Variants in LDLRAD4 observed in about 807,000 individuals in gnomAD.
LDLRAD4 encodes low-density lipoprotein receptor class A domain-containing protein 4.
A neutral mutation model predicts 17.0 loss-of-function variants in LDLRAD4; 5 were observed. That is an observed-to-expected ratio of 0.29 (90% CI 0.15 to 0.62). The LOEUF (loss-of-function observed/expected upper bound fraction) is 0.62, where lower values mean the gene tolerates loss of function less well. LDLRAD4 is among the 20% of genes least tolerant of loss of function. The pLI is 0.84. For synonymous variants in LDLRAD4, 168 were observed against 171.8 expected, an observed-to-expected ratio of 0.98 and a Z score of 0.17; for missense variants, 340 against 424.7, an observed-to-expected ratio of 0.80 and a Z score of 1.75.
intron 3 of LDLRAD4, among the ~76,000 whole-genome samples, chr18:13,583,496 CT>C (rs1268025797): frequency 6.6e-6 from 1 of 151,944 alleles, no homozygotes; most frequent in African/African-American, 2.4e-5. Context: ...GGATTGGGAA[CT>C]TTAAATGAGT....
rs140781720 is a variant in LDLRAD4, at chr18:13,244,505, G to A, written c.-467+25517G>A. 9.3e-4 allele frequency among the ~76,000 whole-genome samples: 141 copies of A among 152,180 alleles called. 1 individual carries two copies. The highest frequency in any genetic ancestry group is 3.3e-3 in the African/African-American group (135 of 41,506). Reference sequence around the variant, plus strand: ...GCCAAACATAAATATAAAATGTTAGGGTAAAGGCCCCAAGTTTTCTCTGTT... The same window carrying A: ...GCCAAACATAAATATAAAATGTTAGAGTAAAGGCCCCAAGTTTTCTCTGTT... On this transcript the variant is annotated intron_variant, in intron 1 of 5. Coordinates refer to the LDLRAD4 transcript ENST00000399848.
intron 1 of LDLRAD4, among the ~76,000 whole-genome samples, chr18:13,286,319 C>T (rs774514952): frequency 3.3e-5 from 5 of 152,200 alleles, no homozygotes; most frequent in Non-Finnish European, 5.9e-5. Context: ...AACAGGAAGA[C>T]GAGAGCTAGA....
chr18:13,561,131 TC>T (rs1384016357), intron 3 of LDLRAD4, among the ~76,000 whole-genome samples: 5 of 87,936 alleles, frequency 5.7e-5, no homozygotes, highest in African/African-American at 2.1e-4. Context: ...TCAGGGAACA[TC>T]CTGCAGATAT....
intron 1 of LDLRAD4, among the ~76,000 whole-genome samples, chr18:13,304,461 T>C (rs914205698): frequency 5.3e-5 from 8 of 152,162 alleles, no homozygotes; most frequent in Non-Finnish European, 2.9e-5. Flanking sequence ...TTGGTCAGAA[T>C]GGTCTCGTGC....
chr18:13,305,791 G>A lies in LDLRAD4; in HGVS notation c.-383+27603G>A, dbSNP rs180693392. ...CCGTCACTGCAGCTATATGCCAACA[G>A]GCACAAAAACTTTGCACTTTTTGCA... is the stretch of plus-strand genomic sequence containing the variant. On this transcript the variant is annotated intron_variant, in intron 1 of 5. Transcript: ENST00000359446. 9.5e-4 allele frequency among the ~76,000 whole-genome samples: 145 copies of A among 152,306 alleles called. 2 individuals are homozygous for A. The South Asian group carries it at 0.022, about 23-fold the overall frequency.
At chr18:13,483,326 T>C (rs1219822249) in intron 3 of LDLRAD4, among the ~76,000 whole-genome samples, 1 of 152,236 alleles carries the variant, frequency 6.6e-6, no homozygotes, top group Non-Finnish European at 1.5e-5. Flanking sequence ...ACTGGTGTGC[T>C]GAGAACTGAG....
intron 1 of LDLRAD4, among the ~76,000 whole-genome samples, chr18:13,371,106 C>G (rs2084470782): frequency 6.6e-6 from 1 of 152,176 alleles, no homozygotes; most frequent in Admixed American, 6.5e-5. Flanking sequence ...TTCTGAGAAC[C>G]CGGGTGCCGG....
intron 3 of LDLRAD4, among the ~76,000 whole-genome samples, chr18:13,557,369 CA>C (rs1257390938): frequency 1.3e-5 from 2 of 152,112 alleles, no homozygotes; most frequent in African/African-American, 4.8e-5. Context: ...TTGACCTTCT[CA>C]AACACTAGTG....
At chr18:13,480,850 A>T (rs766683608) in intron 3 of LDLRAD4, among the ~76,000 whole-genome samples, 3 of 152,264 alleles carry the variant, frequency 2.0e-5, no homozygotes, top group Non-Finnish European at 1.5e-5. Flanking sequence ...GTGGAAGGTC[A>T]TCCAGCCTCA....
intron 1 of LDLRAD4, among the ~76,000 whole-genome samples, chr18:13,282,676 G>T (rs768010741): frequency 2.6e-5 from 4 of 152,210 alleles, no homozygotes; most frequent in African/African-American, 4.8e-5. Context: ...TGCACATGCT[G>T]GCATTGAGTG....
intron 3 of LDLRAD4, among the ~76,000 whole-genome samples, chr18:13,528,959 G>A (rs1165120479): frequency 6.6e-6 from 1 of 152,252 alleles, no homozygotes; most frequent in African/African-American, 2.4e-5. Flanking sequence ...TTTGGGTAGC[G>A]AGAGCTTAGA....
chr18:13,636,663 AT>A (rs1433713643), intron 4 of LDLRAD4, among the ~76,000 whole-genome samples: 6 of 150,248 alleles, frequency 4.0e-5, no homozygotes, highest in Non-Finnish European at 8.9e-5. Flanking sequence ...GCCCAGCTAA[AT>A]TTTTTTTGTA....
At chr18:13,416,481 G>A (rs1159961830) in intron 2 of LDLRAD4, among the ~76,000 whole-genome samples, 1 of 152,154 alleles carries the variant, frequency 6.6e-6, no homozygotes, top group Non-Finnish European at 1.5e-5. Context: ...AGCAGGGCTC[G>A]GGATCACGTC....
intron 3 of LDLRAD4, among the ~76,000 whole-genome samples, chr18:13,540,201 A>G (rs564681852): frequency 3.9e-4 from 60 of 152,392 alleles, no homozygotes; most frequent in African/African-American, 1.4e-3. Context: ...TTTTTAAAAA[A>G]TACAAGTTTT....
intron 1 of LDLRAD4, among the ~76,000 whole-genome samples, chr18:13,266,374 C>T (rs1453175051): frequency 3.3e-5 from 5 of 152,182 alleles, no homozygotes; most frequent in African/African-American, 4.8e-5. Context: ...CCTGGTACCT[C>T]GCACTGGGTC....
intron 1 of LDLRAD4, among the ~76,000 whole-genome samples, chr18:13,320,890 G>T (rs1275982842): frequency 1.3e-5 from 2 of 152,154 alleles, no homozygotes; most frequent in Non-Finnish European, 2.9e-5. Flanking sequence ...TTCCCTCCCA[G>T]TGGGACCCTC....
intron 1 of LDLRAD4, among the ~76,000 whole-genome samples, chr18:13,294,822 T>TA (rs11362104): frequency 2.7e-3 from 365 of 135,200 alleles, no homozygotes; most frequent in East Asian, 7.5e-3. Flanking sequence ...TGTAAAATAG[T>TA]AAAAAAAAAA....
In LDLRAD4 at chr18:13,296,214, CGACCGCCAAATCA is replaced by C. The variant is rs2046265093; in HGVS notation, c.-383+18032_-383+18044del. Among the ~76,000 whole-genome samples the C allele has an allele frequency of 1.6e-4, 24 of 152,374 alleles. No homozygotes were observed. The South Asian group carries it at 5.0e-3, about 32-fold the overall frequency. On this transcript the variant is annotated intron_variant, in intron 1 of 5. Coordinates refer to ENST00000359446, the Ensembl canonical transcript of LDLRAD4. ...TAGATGACTTCTGCTTCGCAAGAGG[CGACCGCCAAATCA>C]GACCGGGCTGTGATTCTTCTGTATA...
chr18:13,349,402 A>G (rs1453702246), intron 1 of LDLRAD4, among the ~76,000 whole-genome samples: 1 of 152,210 alleles, frequency 6.6e-6, no homozygotes, highest in African/African-American at 2.4e-5. Flanking sequence ...AGAAGAATAA[A>G]AAGTGGAGTT....
Sources: gnomAD v4.1 joint callset for allele counts (sites outside exome capture counted in the v4.1 genomes callset) on GRCh38, gnomAD v4.1.1 for gene constraint, MANE v1.5 for transcripts, NCBI Gene and HGNC (gene_info 2026-07-23, HGNC 2026-07-21) for gene names.